The following NAALADL2 variants were observed in gnomAD, a reference collection of about 807,000 sequenced individuals.
NAALADL2 encodes the protein inactive N-acetylated-alpha-linked acidic dipeptidase-like protein 2.
In NAALADL2, 76 loss-of-function variants were observed where a neutral mutation model predicts 87.2. That is an observed-to-expected ratio of 0.87 (90% confidence interval 0.72 to 1.05). The LOEUF (loss-of-function observed/expected upper bound fraction) is 1.05. Among genes scored for constraint, NAALADL2 ranks in the 50% least tolerant of loss-of-function variants. The pLI is 0.00. For missense variants in NAALADL2, 1,089 were observed against 945.8 expected (o/e 1.15, Z -1.99); for synonymous variants, 354 against 331.0 (o/e 1.07, Z -0.75).
intron 9 of NAALADL2, among the ~76,000 whole-genome samples, chr3:175,567,033 A>C (rs1012016085): frequency 1.5e-4 from 23 of 152,188 alleles, no homozygotes; most frequent in Non-Finnish European, 7.3e-5. Context: ...TTACATTGTA[A>C]AGATGGATTC....
chr3:175,295,268 G>T (rs1432713428), intron 4 of NAALADL2, among the ~76,000 whole-genome samples: 1 of 152,142 alleles, frequency 6.6e-6, no homozygotes, highest in Non-Finnish European at 1.5e-5. Flanking sequence ...TTATACCAAA[G>T]TTGGCCAAGT....
intron 2 of NAALADL2, among the ~76,000 whole-genome samples, chr3:174,702,348 CATTT>C (rs1174986913): frequency 1.3e-5 from 2 of 152,018 alleles, no homozygotes; most frequent in African/African-American, 4.8e-5. Flanking sequence ...CTCTTAGCAT[CATTT>C]ATTTATTAAT....
intron 10 of NAALADL2, among the ~76,000 whole-genome samples, chr3:175,626,222 T>C (rs1449538270): frequency 6.6e-6 from 1 of 151,980 alleles, no homozygotes; most frequent in African/African-American, 2.4e-5. Context: ...GGTAACTTTA[T>C]TGAACTCTGA....
chr3:175,410,745 A>T (rs1028336805), intron 5 of NAALADL2, among the ~76,000 whole-genome samples: 1 of 152,212 alleles, frequency 6.6e-6, no homozygotes, highest in Non-Finnish European at 1.5e-5. Context: ...AGAGAGTAAT[A>T]AACAATTATC....
intron 2 of NAALADL2, among the ~76,000 whole-genome samples, chr3:174,710,089 T>C (rs949655328): frequency 1.3e-5 from 2 of 152,262 alleles, no homozygotes; most frequent in Middle Eastern, 3.4e-3. Flanking sequence ...CCTCGGTGTA[T>C]ACTGTCTCCT....
intron 1 of NAALADL2, among the ~76,000 whole-genome samples, chr3:174,489,171 T>G (rs972446723): frequency 6.6e-6 from 1 of 152,220 alleles, no homozygotes; most frequent in East Asian, 1.9e-4. Context: ...TCTTAAATTC[T>G]ATATTATTAA....
intron 2 of NAALADL2, among the ~76,000 whole-genome samples, chr3:175,141,755 A>G (rs1320606061): frequency 6.6e-6 from 1 of 152,096 alleles, no homozygotes; most frequent in Non-Finnish European, 1.5e-5. Flanking sequence ...AGCCTTACCA[A>G]ACAAACTAAT....
chr3:175,604,407 C>T (rs1051463312), intron 10 of NAALADL2, among the ~76,000 whole-genome samples: 2 of 150,370 alleles, frequency 1.3e-5, no homozygotes, highest in Non-Finnish European at 3.0e-5. Context: ...GGGTTCACAC[C>T]ATTCTCCTGC....
At chr3:174,451,025 A>G (rs572120156) in intron 1 of NAALADL2, among the ~76,000 whole-genome samples, 5 of 152,324 alleles carry the variant, frequency 3.3e-5, no homozygotes, top group African/African-American at 7.2e-5. Context: ...TAGAATGAGA[A>G]AATAAATTTA....
intron 10 of NAALADL2, among the ~76,000 whole-genome samples, chr3:175,595,481 C>A (rs990750199): frequency 6.6e-6 from 1 of 151,730 alleles, no homozygotes; most frequent in Admixed American, 6.6e-5. Context: ...ACTTGAAAAA[C>A]CCTAAATACT....
chr3:175,772,653 C>A (rs1749663204), intron 13 of NAALADL2, among the ~76,000 whole-genome samples: 1 of 152,148 alleles, frequency 6.6e-6, no homozygotes, highest in Non-Finnish European at 1.5e-5. Flanking sequence ...ACACAGGGTT[C>A]CGTCTTTGAT....
At chr3:174,903,719 C>G (rs1245936729) in intron 1 of NAALADL2, among the ~76,000 whole-genome samples, 4 of 152,020 alleles carry the variant, frequency 2.6e-5, no homozygotes, top group African/African-American at 4.8e-5. Context: ...TCCAAAATCA[C>G]TACTAGCTGG....
chr3:175,524,460 C>A (rs914200274), intron 9 of NAALADL2, among the ~76,000 whole-genome samples: 2 of 152,072 alleles, frequency 1.3e-5, no homozygotes, highest in African/African-American at 2.4e-5. Flanking sequence ...ATATAATCTA[C>A]ATTTTGGGAG....
chr3:175,738,493 T>TGCCTCG (rs1744817991), intron 12 of NAALADL2, among the ~76,000 whole-genome samples: 1 of 152,174 alleles, frequency 6.6e-6, no homozygotes, highest in Non-Finnish European at 1.5e-5. Flanking sequence ...GCAATCTGCC[T>TGCCTCG]GCCTCGGCCT....
chr3:174,869,569 C>G (rs1173806470), intron 1 of NAALADL2, among the ~76,000 whole-genome samples: 1 of 152,050 alleles, frequency 6.6e-6, no homozygotes, highest in African/African-American at 2.4e-5. Flanking sequence ...GGAGCTCTTC[C>G]CAGCTGGATC....
chr3:174,937,852 A>C (rs964210225), intron 1 of NAALADL2, among the ~76,000 whole-genome samples: 8 of 152,104 alleles, frequency 5.3e-5, no homozygotes, highest in African/African-American at 1.9e-4. Flanking sequence ...TGTGTGCCAT[A>C]GACAAATATT....
At chr3:175,094,532 C>T (rs948042032) in intron 1 of NAALADL2, among the ~76,000 whole-genome samples, 10 of 151,820 alleles carry the variant, frequency 6.6e-5, no homozygotes, top group African/African-American at 2.4e-4. Context: ...TAACGTCATA[C>T]GTTACTTCCT....
intron 1 of NAALADL2, among the ~76,000 whole-genome samples, chr3:174,868,586 AT>A (rs1407115491): frequency 6.6e-6 from 1 of 152,092 alleles, no homozygotes; most frequent in Non-Finnish European, 1.5e-5. Context: ...CGAAAAAAGA[AT>A]TTGGGAGACA....
intron 9 of NAALADL2, among the ~76,000 whole-genome samples, chr3:175,554,897 A>G (rs1715013998): frequency 1.3e-5 from 2 of 152,172 alleles, no homozygotes; most frequent in South Asian, 2.1e-4. Flanking sequence ...CTAACCTGCT[A>G]TCCTGGTCTA....
Sources: allele counts gnomAD v4.1 joint callset (sites outside exome capture counted in the v4.1 genomes callset), GRCh38; gene constraint gnomAD v4.1.1; transcripts MANE v1.5; gene names NCBI Gene and HGNC (gene_info 2026-07-23, HGNC 2026-07-21).